The following OPHN1 variants were observed in gnomAD, a reference collection of about 807,000 sequenced individuals.
OPHN1 encodes the protein oligophrenin 1.
Under a neutral mutation model 60.7 loss-of-function variants are expected in OPHN1, and 11 were observed. That is an observed-to-expected ratio of 0.18 (90% confidence interval 0.11 to 0.30). OPHN1 has a LOEUF of 0.30. OPHN1 is among the 10% of genes least tolerant of loss of function. The pLI, the probability that OPHN1 is intolerant of heterozygous loss-of-function variation, is 1.00. For synonymous variants in OPHN1, 226 were observed against 222.6 expected (o/e 1.02, Z -0.14); for missense variants, 449 against 611.0 (o/e 0.73, Z 2.80).
At chrX:68,262,843 A>ACAGGC (rs2077901172) in intron 5 of OPHN1, among the ~76,000 whole-genome samples, 1 of 108,782 alleles carries the variant, frequency 9.2e-6, no homozygotes, top group Non-Finnish European at 1.9e-5. Flanking sequence ...ACAGGACAGG[A>ACAGGC]CAGGACAGGA....
chrX:68,242,909 C>T (rs2077788415), intron 5 of OPHN1, among the ~76,000 whole-genome samples: 1 of 110,665 alleles, frequency 9.0e-6, no homozygotes, highest in African/African-American at 3.3e-5. Context: ...ACTGTGTTGC[C>T]CAGCCTGGAG....
intron 15 of OPHN1, among the ~76,000 whole-genome samples, chrX:68,166,039 T>C (rs778301292): frequency 8.9e-6 from 1 of 112,304 alleles, no homozygotes; most frequent in African/African-American, 3.2e-5. Context: ...GCATGCCATA[T>C]ACACACATTA....
intron 2 of OPHN1, among the ~76,000 whole-genome samples, chrX:68,348,746 G>A (rs1465422028): frequency 1.8e-5 from 2 of 111,738 alleles, no homozygotes; most frequent in Non-Finnish European, 3.8e-5. Context: ...CAGAGTAATT[G>A]TTTTGGCATA....
Position 68,206,688 on chromosome X carries a change from A to G in OPHN1, c.833-15T>C. Reference sequence around the variant, plus strand: ...TCCTAAAGCCCCTACAAGGACAAGTAAAAGTGAGCAGACAGAATAACTATT... The same window carrying G: ...TCCTAAAGCCCCTACAAGGACAAGTGAAAGTGAGCAGACAGAATAACTATT... On this transcript the variant is annotated splice_polypyrimidine_tract_variant and intron_variant, in intron 9 of 24. Coordinates refer to ENST00000355520, the MANE Select transcript of OPHN1 (RefSeq NM_002547.3). 2 of 1,098,374 alleles carry G rather than the reference A, an allele frequency of 1.8e-6. No individual in the cohort carries two copies. The highest frequency in any genetic ancestry group is 2.5e-6 in the Non-Finnish European group (2 of 791,989). 90.5% of individuals were successfully genotyped at this position (1,098,374 alleles called of 1,213,427 possible).
chrX:68,317,513 G>A (rs368082557), intron 2 of OPHN1, among the ~76,000 whole-genome samples: 11 of 57,720 alleles, frequency 1.9e-4, no homozygotes, highest in African/African-American at 1.4e-3. Flanking sequence ...GAGGGAAAGA[G>A]AGAGAGAAAG....
chrX:68,282,577 T>A (rs923262987), intron 4 of OPHN1, among the ~76,000 whole-genome samples: 20 of 112,124 alleles, frequency 1.8e-4, no homozygotes, highest in Non-Finnish European at 3.2e-4. Context: ...GTTTCAATAT[T>A]GGCTCATCAA....
At chrX:68,389,901 T>G (rs1280139028) in intron 2 of OPHN1, among the ~76,000 whole-genome samples, 1 of 111,576 alleles carries the variant, frequency 9.0e-6, no homozygotes, top group Non-Finnish European at 1.9e-5. Context: ...TATAAGGACA[T>G]ACTTGAGACT....
intron 19 of OPHN1, among the ~76,000 whole-genome samples, chrX:68,073,540 T>G (rs1371118225): frequency 8.9e-6 from 1 of 112,072 alleles, no homozygotes; most frequent in Non-Finnish European, 1.9e-5. Context: ...AAAATGCCTA[T>G]AAAAGATGGC....
chrX:68,384,337 G>A (rs2078613076), intron 2 of OPHN1, among the ~76,000 whole-genome samples: 2 of 111,582 alleles, frequency 1.8e-5, no homozygotes, highest in South Asian at 3.8e-4. Context: ...TTATGCCTAG[G>A]AAGGCCCTCT....
intron 2 of OPHN1, among the ~76,000 whole-genome samples, chrX:68,357,371 T>TA (rs2078446600): frequency 9.0e-6 from 1 of 111,264 alleles, no homozygotes; most frequent in Admixed American, 9.6e-5. Flanking sequence ...CATTTAGCAT[T>TA]AGGTATATCT....
At chrX:68,141,929 A>G (rs760323188) in intron 15 of OPHN1, among the ~76,000 whole-genome samples, 2 of 103,369 alleles carry the variant, frequency 1.9e-5, no homozygotes, top group South Asian at 9.0e-4. Flanking sequence ...AGAAAGAAAG[A>G]AAGAAAGAAA....
intron 15 of OPHN1, among the ~76,000 whole-genome samples, chrX:68,180,381 T>C (rs767461737): frequency 4.5e-4 from 50 of 111,862 alleles, no homozygotes; most frequent in African/African-American, 1.6e-3. Flanking sequence ...TTTATTAAAA[T>C]CGTTATTTTT....
intron 15 of OPHN1, among the ~76,000 whole-genome samples, chrX:68,179,593 T>C (rs1179550202): frequency 9.0e-6 from 1 of 111,724 alleles, no homozygotes; most frequent in Admixed American, 9.6e-5. Flanking sequence ...ATCTGATCAC[T>C]GTATCCGGCT....
At chrX:68,352,631 A>C (rs1011095135) in intron 2 of OPHN1, among the ~76,000 whole-genome samples, 2 of 112,239 alleles carry the variant, frequency 1.8e-5, no homozygotes, top group African/African-American at 6.5e-5. Context: ...TAGAATGGAA[A>C]GCAACTTAGG....
chrX:68,261,300 T>C (rs1321699253), intron 5 of OPHN1, among the ~76,000 whole-genome samples: 2 of 111,422 alleles, frequency 1.8e-5, no homozygotes, highest in African/African-American at 3.3e-5. Flanking sequence ...ACCCAAAAAA[T>C]ATGAATCAAA....
intron 2 of OPHN1, among the ~76,000 whole-genome samples, chrX:68,422,860 G>A (rs1260340582): frequency 1.8e-5 from 2 of 109,131 alleles, no homozygotes; most frequent in East Asian, 5.8e-4. Context: ...GAAAAGAAAA[G>A]AAAAAAGAAA....
intron 7 of OPHN1, among the ~76,000 whole-genome samples, chrX:68,213,205 C>T (rs1328815468): frequency 9.0e-6 from 1 of 111,056 alleles, no homozygotes; most frequent in Non-Finnish European, 1.9e-5. Flanking sequence ...CTTATCTCTA[C>T]AAAAACATAC....
At chrX:68,378,458 T>C (rs985189556) in intron 2 of OPHN1, among the ~76,000 whole-genome samples, 1 of 112,043 alleles carries the variant, frequency 8.9e-6, no homozygotes, top group African/African-American at 3.2e-5. Context: ...GGTCAAATTT[T>C]GGCTTTTGTT....
At chrX:68,182,237 G>A (rs1019765605) in intron 15 of OPHN1, among the ~76,000 whole-genome samples, 1 of 90,880 alleles carries the variant, frequency 1.1e-5, no homozygotes, top group African/African-American at 4.3e-5. Context: ...TCTCCACTAG[G>A]GGGTAGTTGA....
Sources: allele counts gnomAD v4.1 joint callset (sites outside exome capture counted in the v4.1 genomes callset), GRCh38; gene constraint gnomAD v4.1.1; transcripts MANE v1.5; gene names NCBI Gene and HGNC (gene_info 2026-07-23, HGNC 2026-07-21).